AGAP3: variants seen among roughly 807,000 people sequenced by gnomAD.
AGAP3 encodes ArfGAP with GTPase domain, ankyrin repeat and PH domain 3.
AGAP3 carries 24 observed loss-of-function variants against 96.9 expected under a neutral mutation model. The ratio of observed to expected loss-of-function variants is 0.25; its 90% CI spans 0.18 to 0.35. The LOEUF (loss-of-function observed/expected upper bound fraction) is 0.35. Among genes scored for constraint, AGAP3 ranks in the 10% least tolerant of loss-of-function variants. The pLI is 1.00. For missense variants in AGAP3, 876 were observed against 1,254.2 expected (o/e 0.70, Z 4.55); for synonymous variants, 563 against 536.1 (o/e 1.05, Z -0.69).
chr7:151,087,358 G>T (rs1798201167), intron 1 of AGAP3, among the ~76,000 whole-genome samples: 1 of 152,212 alleles, frequency 6.6e-6, no homozygotes, highest in Admixed American at 6.5e-5. Context: ...GGCCTGGCCG[G>T]GGAAGGTGGG....
chr7:151,100,983 C>T (rs1798813966), intron 1 of AGAP3, among the ~76,000 whole-genome samples: 1 of 152,224 alleles, frequency 6.6e-6, no homozygotes, highest in South Asian at 2.1e-4. Context: ...ACCTGCAGCC[C>T]CCCATGGAGC....
chr7:151,123,243 T>C lies in AGAP3; in HGVS notation c.1129-551T>C. 3.8e-6 allele frequency: 4 copies of C among 1,064,780 alleles called. No individual in the cohort carries two copies. The South Asian group carries it at 1.2e-4, about 32-fold the overall frequency. The allele number at this position is 1,064,780 out of a possible 1,614,324, so 66.0% of individuals were successfully genotyped here. Reference sequence around the variant, plus strand: ...TTGCCCCCTCTTTTTGGCCTCCCCCTATTTCCTAGGATCCGCATTCGGGTG... The same window carrying C: ...TTGCCCCCTCTTTTTGGCCTCCCCCCATTTCCTAGGATCCGCATTCGGGTG... On this transcript the variant is annotated intron_variant, in intron 8 of 17. Transcript: ENST00000397238.
intron 1 of AGAP3, among the ~76,000 whole-genome samples, chr7:151,113,873 G>A (rs976955958): frequency 6.6e-6 from 1 of 152,192 alleles, no homozygotes; most frequent in Non-Finnish European, 1.5e-5. Context: ...GGAGCTTGGA[G>A]GAGTGTTTTC....
At chr7:151,120,485 T>TA in intron 8 of AGAP3, 1 of 651,834 alleles carries the variant, frequency 1.5e-6, no homozygotes, top group South Asian at 1.5e-5. Context: ...TGGACTCACT[T>TA]GGCCTAACTC....
Position 151,097,745 on chromosome 7 carries a change from G to A in AGAP3, c.331+10673G>A, listed in dbSNP as rs913156075. Reference sequence around the variant, plus strand: ...CCGCAGTGGGGACAGCACTCATGAGGGACCTGGCCCCATGACCCAAACACC... The same window carrying A: ...CCGCAGTGGGGACAGCACTCATGAGAGACCTGGCCCCATGACCCAAACACC... On this transcript the variant is annotated intron_variant, in intron 1 of 17. Coordinates refer to ENST00000397238, the MANE Select transcript of AGAP3 (RefSeq NM_031946.7). Among the ~76,000 whole-genome samples, 4 of 151,950 alleles carry A rather than the reference G, an allele frequency of 2.6e-5. No homozygotes were observed. In the East Asian group the frequency reaches 7.7e-4, roughly 29 times the overall value.
At chr7:151,107,441 A>C (rs1008089515) in intron 1 of AGAP3, among the ~76,000 whole-genome samples, 4 of 152,062 alleles carry the variant, frequency 2.6e-5, no homozygotes, top group African/African-American at 9.7e-5. Flanking sequence ...CCTGGGCAAC[A>C]TGGTGAAAGC....
intron 1 of AGAP3, among the ~76,000 whole-genome samples, chr7:151,097,085 G>A (rs527575083): frequency 4.6e-5 from 7 of 152,118 alleles, no homozygotes; most frequent in African/African-American, 1.7e-4. Context: ...CACCGCGCCC[G>A]GCCTGATTTT....
At chr7:151,089,043 C>T (rs746801378) in intron 1 of AGAP3, among the ~76,000 whole-genome samples, 2 of 152,070 alleles carry the variant, frequency 1.3e-5, no homozygotes, top group Non-Finnish European at 2.9e-5. Context: ...CTCCTGGGCC[C>T]TGCTGCCCTG....
At position 151,123,901 on chromosome 7, in the gene AGAP3, T is replaced by C. The variant is rs1800041560; in HGVS notation, c.1221+15T>C. ...CCATCAAGCAGGTCAGCGCCTCCCT[T>C]CCCGTGTGCTCCAGGGCTCAGAATG... On this transcript the variant is annotated intron_variant, in intron 9 of 17. Transcript: ENST00000397238. 1 of 1,600,914 alleles carries C rather than the reference T, an allele frequency of 6.2e-7. No individual in the cohort carries two copies. Among genetic ancestry groups the C allele is most frequent in the Non-Finnish European group, 8.5e-7 (1 of 1,178,588 alleles).
chr7:151,126,052 G>A (rs75958110), intron 9 of AGAP3, among the ~76,000 whole-genome samples: 2 of 140,836 alleles, frequency 1.4e-5, no homozygotes, highest in South Asian at 4.7e-4. Flanking sequence ...GGGAGCGGGC[G>A]GGTGGGTGGG....
intron 1 of AGAP3, among the ~76,000 whole-genome samples, chr7:151,107,352 G>A (rs189228370): frequency 6.7e-6 from 1 of 150,120 alleles, no homozygotes; most frequent in African/African-American, 2.5e-5. Flanking sequence ...GGCCAGGCAC[G>A]ATGGCTCATG....
At chr7:151,122,844 G>GC (rs1260928144) in intron 8 of AGAP3, 4 of 1,609,456 alleles carry the variant, frequency 2.5e-6, no homozygotes, top group Non-Finnish European at 3.4e-6. Flanking sequence ...GGGGCCGGAG[G>GC]CGGGCCGGGC....
Position 151,143,354 on chromosome 7 carries a change from C to T in AGAP3, c.2287C>T (p.Arg763Cys), listed in dbSNP as rs372948404. ...CTGTGGTTGCAGAGAGGAGAAGGAA[C>T]GCTGGATACGGGCCAAGTATGAACA... ...GPDACREEKE[R>C]WIRAKYEQKL... The change falls in exon 17 of 18, where the codon CGC (arginine) becomes TGC (cysteine). Residue 763 changes from arginine to cysteine, a missense_variant. By Grantham distance (180) the Arg-to-Cys change is radical. Transcript: ENST00000397238. The surrounding 1 kb of genome is among the most constrained non-coding windows in gnomAD (Gnocchi z 5.9). 75 of 1,611,464 alleles carry T rather than the reference C, an allele frequency of 4.7e-5. No individual in the cohort carries two copies. The highest frequency in any genetic ancestry group is 2.3e-4 in the African/African-American group (17 of 74,858).
At chr7:151,117,009 C>A in intron 2 of AGAP3, 86 bp from the exon 3 acceptor site, 1 of 1,501,098 alleles carries the variant, frequency 6.7e-7, no homozygotes, top group South Asian at 1.2e-5. Context: ...GCCTTTCTCC[C>A]TCCTGCTGCT....
Position 151,138,258 on chromosome 7 carries a change from C to A in AGAP3, c.1611C>A (p.Ser537Arg), listed in dbSNP as rs769170490. ...ACCAGCGCTCCTGCTCCGTTTCCAGCGCCGACCAGTGGAGTGAGGCCACCA... is the reference window on the plus strand; with the variant it reads ...ACCAGCGCTCCTGCTCCGTTTCCAGAGCCGACCAGTGGAGTGAGGCCACCA... ...GLHQRSCSVS[S>R]ADQWSEATTS... Residue 537 changes from serine to arginine, a missense_variant, in exon 12 of 18, where the codon AGC becomes AGA. Physicochemically the swap from Ser to Arg is moderately radical, Grantham distance 110. Coordinates refer to ENST00000397238, the MANE Select transcript of AGAP3 (RefSeq NM_031946.7). 1.9e-6 allele frequency: 3 copies of A among 1,612,872 alleles called. No individual in the cohort carries two copies. The highest frequency in any genetic ancestry group is 2.5e-6 in the Non-Finnish European group (3 of 1,179,822).
In AGAP3 at chr7:151,143,769, G is replaced by A. The variant is rs769285037; in HGVS notation, c.2562G>A (p.Arg854=). 1.9e-6 allele frequency: 3 copies of A among 1,614,154 alleles called. No homozygotes were observed. The Admixed American group carries it at 5.0e-5, about 27-fold the overall frequency. Reference sequence around the variant, plus strand: ...TGGACGTGAGGAGCCGGGACGCCCGGGGCCTGACTCCACTGGCATATGCTC... The same window carrying A: ...TGGACGTGAGGAGCCGGGACGCCCGAGGCCTGACTCCACTGGCATATGCTC... ...YGVDVRSRDA[R]GLTPLAYARR... is the part of the protein sequence containing the mutation. The change falls in exon 18 of 18, where the codon CGG becomes CGA. Residue 854 remains arginine (R), a synonymous_variant. Transcript: ENST00000397238. This position sits in a 1 kb window ranked among gnomAD's most constrained non-coding sequence, Gnocchi z 5.9.
rs759069331 is a variant in AGAP3, at chr7:151,120,104, C to G, written c.1087C>G (p.Pro363Ala). ...CATCGCTGCCTCCTCCACCCCCACA[C>G]CCATCCGAAAGCAGTCCAAGCGGCG... is the stretch of plus-strand genomic sequence containing the variant. ...ETIAASSTPT[P>A]IRKQSKRRSN... Residue 363 changes from proline (P) to alanine (A), a missense_variant, in exon 8 of 18, where the codon CCC becomes GCC. Transcript: ENST00000397238. 3 of 1,613,752 alleles carry G rather than the reference C, an allele frequency of 1.9e-6. No homozygotes were observed. The highest frequency in any genetic ancestry group is 1.7e-4 in the Middle Eastern group (1 of 6,060).
At chr7:151,087,157 T>C (rs754727940) in intron 1 of AGAP3, 85 bp downstream of exon 1, 102 of 1,416,860 alleles carry the variant, frequency 7.2e-5, no homozygotes, top group Non-Finnish European at 9.5e-5. Flanking sequence ...TGCCTGGCCA[T>C]GCTCTCCCTG....
intron 9 of AGAP3, among the ~76,000 whole-genome samples, chr7:151,124,795 A>AC (rs548772803): frequency 3.5e-4 from 53 of 151,918 alleles, no homozygotes; most frequent in Middle Eastern, 3.4e-3. Flanking sequence ...GGGGTTTCTG[A>AC]CCCCCAGCCA....
Sources: allele counts gnomAD v4.1 joint callset (sites outside exome capture counted in the v4.1 genomes callset), GRCh38; gene constraint gnomAD v4.1.1; non-coding constraint Gnocchi (gnomAD v3.1); transcripts MANE v1.5; gene names NCBI Gene and HGNC (gene_info 2026-07-23, HGNC 2026-07-21).